The following DIPK1A variants were observed in gnomAD, a reference collection of about 807,000 sequenced individuals.
DIPK1A encodes the protein family with sequence similarity 69 member A.
A neutral mutation model predicts 40.8 loss-of-function variants in DIPK1A; 27 were observed. The ratio of observed to expected loss-of-function variants is 0.66; its 90% CI spans 0.49 to 0.91. The LOEUF (loss-of-function observed/expected upper bound fraction) is 0.91. Ranked by LOEUF, DIPK1A falls within the 40% of genes least tolerant of loss-of-function variation. The pLI is 0.00. For missense variants in DIPK1A, 412 were observed against 505.7 expected (o/e 0.81, Z 1.78); for synonymous variants, 166 against 171.3 (o/e 0.97, Z 0.24).
At chr1:92,852,954 A>G (rs576810347) in intron 2 of DIPK1A, among the ~76,000 whole-genome samples, 3 of 151,994 alleles carry the variant, frequency 2.0e-5, no homozygotes, top group African/African-American at 7.2e-5. Flanking sequence ...AGGTAGGAGG[A>G]TCGCTTTAGC....
intron 3 of DIPK1A, among the ~76,000 whole-genome samples, chr1:92,850,643 T>C (rs1687789200): frequency 6.6e-6 from 1 of 152,182 alleles, no homozygotes; most frequent in South Asian, 2.1e-4. Context: ...ATCTCACCAC[T>C]GTACTCCAGC....
chr1:92,952,628 A>AAAAAC (rs1204702050), intron 1 of DIPK1A, among the ~76,000 whole-genome samples: 2 of 152,230 alleles, frequency 1.3e-5, no homozygotes, highest in African/African-American at 2.4e-5. Context: ...TTTGCCTGAA[A>AAAAAC]AAAACACTAC....
At chr1:92,959,332 G>C (rs754673037) in intron 1 of DIPK1A, among the ~76,000 whole-genome samples, 22 of 152,064 alleles carry the variant, frequency 1.4e-4, no homozygotes, top group Non-Finnish European at 3.1e-4. Flanking sequence ...TTGGTTGGAA[G>C]AGGGAGTGGG....
intron 1 of DIPK1A, among the ~76,000 whole-genome samples, chr1:92,960,086 T>G (rs1464384706): frequency 6.6e-6 from 1 of 151,360 alleles, no homozygotes. Context: ...ACATAAAAGA[T>G]TACACAGAGG....
At chr1:92,833,071 A>T in intron 4 of DIPK1A, 1 of 720,746 alleles carries the variant, frequency 1.4e-6, no homozygotes, top group Non-Finnish European at 2.5e-6. Flanking sequence ...AAGCGTTTAA[A>T]ACCTTTTGAA....
At position 92,945,570 on chromosome 1, in the gene DIPK1A, G is replaced by T. The variant is rs186882151; in HGVS notation, c.54+15806C>A. On this transcript the variant is annotated intron_variant, in intron 1 of 4. Transcript: ENST00000370310. Reference sequence around the variant, plus strand: ...TAGAAATGTCTTTCATCTTAGGCAAGAACTAACTTTGATGTATTTGGTCTC... The same window carrying T: ...TAGAAATGTCTTTCATCTTAGGCAATAACTAACTTTGATGTATTTGGTCTC... Among the ~76,000 whole-genome samples, 744 of 152,282 alleles carry T rather than the reference G, an allele frequency of 4.9e-3. 16 individuals carry two copies. The highest frequency in any genetic ancestry group is 0.037 in the Admixed American group (563 of 15,288).
chr1:92,888,205 C>T (rs1192803958), intron 1 of DIPK1A, among the ~76,000 whole-genome samples: 1 of 152,022 alleles, frequency 6.6e-6, no homozygotes. Flanking sequence ...TACCCTTCCC[C>T]ACCTCTAGTA....
Position 92,843,920 on chromosome 1 carries a change from T to A in DIPK1A, c.750A>T (p.Pro250=). 6.4e-7 allele frequency: 1 copy of A among 1,551,738 alleles called. No individual in the cohort carries two copies. The highest frequency in any genetic ancestry group is 8.7e-7 in the Non-Finnish European group (1 of 1,147,002). ...GATCCATGCTTCTTCTGAACCCAGA[T>A]GGAATAAAAAGTTCAATGACCCAAG... ...SLPWVIELFI[P]SGFRRSMDQL... The change falls in exon 5 of 5, where the codon CCA becomes CCT. Residue 250 remains proline, a synonymous_variant. Coordinates refer to ENST00000370310, the MANE Select transcript of DIPK1A (RefSeq NM_001006605.5).
chr1:92,924,328 C>A (rs1328598695), intron 1 of DIPK1A, among the ~76,000 whole-genome samples: 2 of 151,038 alleles, frequency 1.3e-5, no homozygotes, highest in Non-Finnish European at 2.9e-5. Context: ...TTTTACTTCT[C>A]CTTGCCTTAT....
intron 1 of DIPK1A, among the ~76,000 whole-genome samples, chr1:92,883,843 G>C (rs185570530): frequency 6.6e-6 from 1 of 152,062 alleles, no homozygotes; most frequent in South Asian, 2.1e-4. Flanking sequence ...GCTCACTGAG[G>C]GGTCTTCTTT....
intron 1 of DIPK1A, among the ~76,000 whole-genome samples, chr1:92,937,018 T>C (rs552754131): frequency 1.5e-4 from 23 of 152,250 alleles, no homozygotes; most frequent in African/African-American, 3.9e-4. Flanking sequence ...GAGTTTACAA[T>C]TGAATAGGAT....
intron 4 of DIPK1A, chr1:92,836,639 A>G (rs541039480): frequency 1.4e-5 from 7 of 512,622 alleles, no homozygotes; most frequent in East Asian, 3.7e-5. Context: ...GATGGGATTG[A>G]AACCACTACC....
chr1:92,860,627 T>TAAAAAA (rs796274250), intron 2 of DIPK1A, among the ~76,000 whole-genome samples: 4 of 11,076 alleles, frequency 3.6e-4, no homozygotes, highest in Non-Finnish European at 4.4e-4. Context: ...CAATTTCTAC[T>TAAAAAA]AAAAAAAAAA....
chr1:92,869,746 T>TAC (rs1296149859), intron 2 of DIPK1A, among the ~76,000 whole-genome samples: 4 of 152,014 alleles, frequency 2.6e-5, no homozygotes, highest in African/African-American at 9.7e-5. Flanking sequence ...GTTTTATATA[T>TAC]ATATACCTAA....
intron 2 of DIPK1A, among the ~76,000 whole-genome samples, chr1:92,867,079 C>T (rs577956493): frequency 2.6e-5 from 4 of 152,280 alleles, no homozygotes; most frequent in Non-Finnish European, 5.9e-5. Context: ...AATACATGAA[C>T]TCATTTTATC....
intron 4 of DIPK1A, among the ~76,000 whole-genome samples, chr1:92,834,119 G>T (rs921265045): frequency 5.3e-5 from 8 of 152,144 alleles, no homozygotes; most frequent in African/African-American, 1.9e-4. Context: ...GTGGGGTGGG[G>T]AGATTAGAAG....
chr1:92,944,376 T>C (rs983771170), intron 1 of DIPK1A, among the ~76,000 whole-genome samples: 8 of 152,140 alleles, frequency 5.3e-5, no homozygotes, highest in African/African-American at 1.7e-4. Context: ...TGAGTACCCA[T>C]ACAACTGATA....
At chr1:92,954,914 T>G (rs1045002587) in intron 1 of DIPK1A, among the ~76,000 whole-genome samples, 1 of 152,280 alleles carries the variant, frequency 6.6e-6, no homozygotes, top group African/African-American at 2.4e-5. Context: ...TTATTCATAA[T>G]TGCCAAATAC....
At chr1:92,835,072 CT>C in intron 4 of DIPK1A, 1 of 1,045,256 alleles carries the variant, frequency 9.6e-7, no homozygotes, top group East Asian at 2.4e-5. Context: ...TAGGTCAGCT[CT>C]TTCCAATAAA....
Sources: allele counts gnomAD v4.1 joint callset (sites outside exome capture counted in the v4.1 genomes callset), GRCh38; gene constraint gnomAD v4.1.1; transcripts MANE v1.5; gene names NCBI Gene and HGNC (gene_info 2026-07-23, HGNC 2026-07-21).